The following GRIP1 variants were observed in gnomAD, a reference collection of about 807,000 sequenced individuals.
GRIP1 encodes glutamate receptor-interacting protein 1.
In GRIP1, 45 loss-of-function variants were observed where a neutral mutation model predicts 129.9. The observed-to-expected ratio is 0.35, with a 90% confidence interval of 0.27 to 0.44. The LOEUF is 0.44. GRIP1 is among the 20% of genes least tolerant of loss of function. The probability of loss-of-function intolerance (pLI) is 1.00; values close to 1 mark genes in which losing one functional copy is unlikely to be tolerated. For missense variants in GRIP1, 1,196 were observed against 1,396.8 expected (o/e 0.86, Z 2.29); for synonymous variants, 530 against 520.8 (o/e 1.02, Z -0.24).
chr12:66,496,960 T>C (rs1176589210), intron 7 of GRIP1, among the ~76,000 whole-genome samples: 1 of 152,128 alleles, frequency 6.6e-6, no homozygotes, highest in African/African-American at 2.4e-5. Flanking sequence ...AATTGCTTAC[T>C]TAAGCTGTTA....
intron 1 of GRIP1, among the ~76,000 whole-genome samples, chr12:66,887,722 C>T (rs912033251): frequency 1.3e-5 from 2 of 152,106 alleles, no homozygotes; most frequent in Non-Finnish European, 2.9e-5. Context: ...TGATTATAAG[C>T]TTACACTTTT....
intron 7 of GRIP1, among the ~76,000 whole-genome samples, chr12:66,489,069 T>C (rs1179891924): frequency 6.6e-6 from 1 of 152,196 alleles, no homozygotes; most frequent in Non-Finnish European, 1.5e-5. Context: ...CCATTTTTAC[T>C]GAAAGTATTC....
intron 1 of GRIP1, among the ~76,000 whole-genome samples, chr12:66,638,970 A>C (rs1379179615): frequency 6.6e-6 from 1 of 152,348 alleles, no homozygotes; most frequent in Non-Finnish European, 1.5e-5. Context: ...TAGTTTGGCT[A>C]CGAGGATTAA....
chr12:66,392,695 T>G lies in GRIP1; in HGVS notation c.2251A>C (p.Ile751Leu). Reference sequence around the variant, plus strand: ...TACTCACCATCTGTCTGTTTCTTAATTTTCAAGGTGACAGTCTCTCCTGCC... The same window carrying G: ...TACTCACCATCTGTCTGTTTCTTAAGTTTCAAGGTGACAGTCTCTCCTGCC... The part of the protein sequence containing the change: ...QMAGETVTLK[I>L]KKQTDAQSAS... Residue 751 changes from isoleucine to leucine, a missense_variant, in exon 18 of 25, where the codon ATT (isoleucine) becomes CTT (leucine). This residue lies in a region of GRIP1 where 427 missense variants were observed against 463.3 expected (regional missense o/e 0.92). Coordinates refer to ENST00000359742, the MANE Select transcript of GRIP1 (RefSeq NM_001366722.1). The G allele has an allele frequency of 6.2e-7, 1 of 1,614,154 alleles. No homozygotes were observed. The highest frequency in any genetic ancestry group is 1.1e-5 in the South Asian group (1 of 91,086).
intron 1 of GRIP1, among the ~76,000 whole-genome samples, chr12:67,030,704 G>A (rs1038614841): frequency 6.6e-6 from 1 of 152,142 alleles, no homozygotes; most frequent in Non-Finnish European, 1.5e-5. Flanking sequence ...AAAAGTGCTA[G>A]GGTGAGTTTA....
intron 1 of GRIP1, among the ~76,000 whole-genome samples, chr12:66,846,774 A>C (rs1469364603): frequency 6.6e-6 from 1 of 152,192 alleles, no homozygotes; most frequent in African/African-American, 2.4e-5. Context: ...AAAGGAGTAC[A>C]TGTCACACCA....
chr12:66,803,250 AT>A (rs2038909122), intron 1 of GRIP1, among the ~76,000 whole-genome samples: 1 of 152,222 alleles, frequency 6.6e-6, no homozygotes, highest in Admixed American at 6.5e-5. Flanking sequence ...CTTTTTAAAA[AT>A]GTAGATCATA....
At position 66,966,975 on chromosome 12, in the gene GRIP1, T is replaced by C. The variant is rs1381710969; in HGVS notation, c.58+102075A>G. On this transcript the variant is annotated intron_variant, in intron 1 of 1. Transcript: ENST00000643019. ...TCTGCATCAATTGTTTGGAATTCTG[T>C]AGGAGATACTGCTTCTTCTCCTCCA... is the stretch of plus-strand genomic sequence containing the variant. Among the ~76,000 whole-genome samples, 11 of 152,316 alleles carry C rather than the reference T, an allele frequency of 7.2e-5. No individual in the cohort carries two copies. In the East Asian group the frequency reaches 2.1e-3, roughly 29 times the overall value.
intron 2 of GRIP1, among the ~76,000 whole-genome samples, chr12:66,564,593 G>A (rs577669251): frequency 3.3e-5 from 5 of 152,278 alleles, no homozygotes; most frequent in East Asian, 1.9e-4. Context: ...ACATATGTGT[G>A]CATGTGTCTT....
intron 1 of GRIP1, among the ~76,000 whole-genome samples, chr12:66,654,844 G>T (rs1267202503): frequency 6.6e-6 from 1 of 152,076 alleles, no homozygotes; most frequent in Non-Finnish European, 1.5e-5. Flanking sequence ...ATAAACAAGA[G>T]GGAAAATTTA....
At chr12:66,984,363 T>C (rs1437055224) in intron 1 of GRIP1, among the ~76,000 whole-genome samples, 1 of 152,196 alleles carries the variant, frequency 6.6e-6, no homozygotes, top group Non-Finnish European at 1.5e-5. Flanking sequence ...TGTAAGAACA[T>C]GTAGAAAGCT....
chr12:66,740,714 C>T (rs768565441), intron 1 of GRIP1, among the ~76,000 whole-genome samples: 10 of 151,962 alleles, frequency 6.6e-5, no homozygotes, highest in Non-Finnish European at 1.3e-4. Flanking sequence ...GTGCTAGATG[C>T]CTTGGATAAT....
At chr12:66,726,494 C>CACA (rs889580893) in intron 1 of GRIP1, among the ~76,000 whole-genome samples, 1 of 151,992 alleles carries the variant, frequency 6.6e-6, no homozygotes, top group Non-Finnish European at 1.5e-5. Flanking sequence ...ACAAAACAAA[C>CACA]ACAACAACAA....
intron 1 of GRIP1, among the ~76,000 whole-genome samples, chr12:66,777,697 C>T (rs1220344692): frequency 2.0e-5 from 3 of 152,136 alleles, no homozygotes; most frequent in African/African-American, 4.8e-5. Flanking sequence ...CATATATGTA[C>T]ACATACATGC....
chr12:66,961,337 G>A (rs990465744), intron 1 of GRIP1, among the ~76,000 whole-genome samples: 7 of 151,982 alleles, frequency 4.6e-5, no homozygotes, highest in Admixed American at 1.3e-4. Flanking sequence ...AGTAGGAGGC[G>A]GGGAATTTGG....
chr12:66,717,389 A>AC (rs2035923649), intron 1 of GRIP1, among the ~76,000 whole-genome samples: 1 of 151,824 alleles, frequency 6.6e-6, no homozygotes, highest in Admixed American at 6.6e-5. Flanking sequence ...ACTGTAAAAA[A>AC]AAAAAAAGTC....
chr12:66,572,651 C>T (rs1009873359), intron 2 of GRIP1, among the ~76,000 whole-genome samples: 1 of 152,122 alleles, frequency 6.6e-6, no homozygotes, highest in African/African-American at 2.4e-5. Context: ...CTCAGGTGAC[C>T]TTCAGGAGCT....
At chr12:66,832,575 G>C (rs939569199) in intron 1 of GRIP1, among the ~76,000 whole-genome samples, 17 of 152,168 alleles carry the variant, frequency 1.1e-4, no homozygotes, top group African/African-American at 3.9e-4. Flanking sequence ...GTGATTTAGT[G>C]ATTTACTACA....
Position 66,679,042 on chromosome 12 carries a change from T to A in GRIP1, c.-138A>T. 2 of 1,546,774 alleles carry A rather than the reference T, an allele frequency of 1.3e-6. No homozygotes were observed. The highest frequency in any genetic ancestry group is 1.7e-6 in the Non-Finnish European group (2 of 1,145,570). ...GTGGGGAGTGACAAAGCTTAATTCC[T>A]CTTGGCTGATGCAGAGGTCCGCTAC... On this transcript the variant is annotated 5_prime_UTR_variant, in exon 1 of 25. Coordinates refer to ENST00000359742, the MANE Select transcript of GRIP1 (RefSeq NM_001366722.1).
Sources: allele counts gnomAD v4.1 joint callset (sites outside exome capture counted in the v4.1 genomes callset), GRCh38; gene constraint gnomAD v4.1.1; regional missense constraint gnomAD v4.1.1; transcripts MANE v1.5; gene names NCBI Gene and HGNC (gene_info 2026-07-23, HGNC 2026-07-21).